Variants in ECPAS observed in about 807,000 individuals in gnomAD.
The protein encoded by ECPAS is Ecm29 proteasome adaptor and scaffold.
A neutral mutation model predicts 255.1 loss-of-function variants in ECPAS; 70 were observed. The observed-to-expected ratio is 0.27, with a 90% CI of 0.23 to 0.33. The LOEUF (loss-of-function observed/expected upper bound fraction) is 0.33, where lower values mean the gene tolerates loss of function less well. Among genes scored for constraint, ECPAS ranks in the 10% least tolerant of loss-of-function variants. ECPAS has a pLI of 1.00. For missense variants in ECPAS, 1,817 were observed against 2,206.4 expected (o/e 0.82, Z 3.54); for synonymous variants, 784 against 775.0 (o/e 1.01, Z -0.19).
At position 111,389,973 on chromosome 9, in the gene ECPAS, T is replaced by C. The variant is rs763106098; in HGVS notation, c.3279+11A>G. The C allele has an allele frequency of 1.1e-5, 17 of 1,525,202 alleles. No individual in the cohort carries two copies. In the East Asian group the frequency reaches 1.6e-4, roughly 14 times the overall value. The allele number at this position is 1,525,202 out of a possible 1,614,324, so 94.5% of individuals were successfully genotyped here. On this transcript the variant is annotated intron_variant, in intron 30 of 49. Transcript: ENST00000684092. The stretch of plus-strand genomic sequence containing the variant: ...AAAAAAATAAATAATTGTCCAGTGA[T>C]AGCAACTTACCTTCCTAGAGTTCCA...
At chr9:111,476,574 A>ATTTTTTT (rs58723893) in intron 1 of ECPAS, among the ~76,000 whole-genome samples, 15 of 105,924 alleles carry the variant, frequency 1.4e-4, no homozygotes, top group East Asian at 2.9e-4. Flanking sequence ...TAACATCAGA[A>ATTTTTTT]TTTTTTTTTT....
At chr9:111,376,942 G>A (rs947303101) in intron 36 of ECPAS, among the ~76,000 whole-genome samples, 27 of 152,228 alleles carry the variant, frequency 1.8e-4, no homozygotes, top group African/African-American at 4.8e-4. Context: ...ATTACCCTTC[G>A]TATCTATGAA....
chr9:111,362,841 T>C (rs1246968487), intron 49 of ECPAS, among the ~76,000 whole-genome samples: 2 of 152,182 alleles, frequency 1.3e-5, no homozygotes, highest in Non-Finnish European at 2.9e-5. Flanking sequence ...CTAGCTCTTT[T>C]ATCTCAACAA....
At chr9:111,383,525 T>C (rs1053413100) in intron 34 of ECPAS, among the ~76,000 whole-genome samples, 193 bp from the exon 35 acceptor site, 1 of 152,056 alleles carries the variant, frequency 6.6e-6, no homozygotes, top group East Asian at 1.9e-4. Flanking sequence ...AACAGAAAAT[T>C]TGGTAATGCA....
At position 111,384,510 on chromosome 9, in the gene ECPAS, C is replaced by T. The variant is rs765371634; in HGVS notation, c.3681+12G>A. ...GCTCCACTCCATTCCCAATGTAAGA[C>T]GGGGTTTTCACCTTGCTCAGAGTTT... On this transcript the variant is annotated intron_variant, in intron 34 of 49. Coordinates refer to ENST00000684092, the MANE Select transcript of ECPAS (RefSeq NM_001364929.1). The T allele has an allele frequency of 2.5e-5, 40 of 1,612,440 alleles. No homozygotes were observed. Among genetic ancestry groups the T allele is most frequent in the Non-Finnish European group, 3.3e-5 (39 of 1,178,536 alleles).
At chr9:111,469,884 C>A (rs927884120) in intron 2 of ECPAS, among the ~76,000 whole-genome samples, 6 of 151,992 alleles carry the variant, frequency 3.9e-5, no homozygotes, top group Non-Finnish European at 5.9e-5. Flanking sequence ...TAAAGAGTTA[C>A]CCCCATCCCC....
At chr9:111,377,970 C>T (rs1204584368) in intron 36 of ECPAS, among the ~76,000 whole-genome samples, 2 of 151,978 alleles carry the variant, frequency 1.3e-5, no homozygotes, top group South Asian at 2.1e-4. Flanking sequence ...CATGGTGAAA[C>T]CCTGTCTCTA....
In ECPAS at chr9:111,428,174, T is replaced by C. The variant is rs760521429; in HGVS notation, c.931-13A>G. 2.5e-6 allele frequency: 4 copies of C among 1,604,904 alleles called. No homozygotes were observed. Among genetic ancestry groups the C allele is most frequent in the Admixed American group, 1.7e-5 (1 of 58,132 alleles). ...TCAGAACTGCACCCTGTTGAAAATA[T>C]GCTTGATTATAACTCAGCAATTCAA... On this transcript the variant is annotated splice_polypyrimidine_tract_variant and intron_variant, in intron 9 of 49. Transcript: ENST00000684092.
At chr9:111,450,255 G>A (rs1240666304) in intron 3 of ECPAS, among the ~76,000 whole-genome samples, 1 of 152,148 alleles carries the variant, frequency 6.6e-6, no homozygotes, top group Non-Finnish European at 1.5e-5. Flanking sequence ...CTTAGACCTT[G>A]CTATCCTAAT....
At chr9:111,459,302 G>A (rs1286305430) in intron 2 of ECPAS, among the ~76,000 whole-genome samples, 2 of 151,490 alleles carry the variant, frequency 1.3e-5, no homozygotes, top group African/African-American at 4.9e-5. Context: ...TGTTGCCCAG[G>A]CTGCTTGTGA....
intron 18 of ECPAS, among the ~76,000 whole-genome samples, chr9:111,415,302 C>T (rs2098201633): frequency 6.6e-6 from 1 of 151,426 alleles, no homozygotes; most frequent in African/African-American, 2.4e-5. Flanking sequence ...AAGTAAATGG[C>T]CTATTACTCC....
intron 9 of ECPAS, among the ~76,000 whole-genome samples, chr9:111,428,885 C>A (rs977682265): frequency 6.6e-6 from 1 of 152,128 alleles, no homozygotes; most frequent in African/African-American, 2.4e-5. Flanking sequence ...TAACATCATT[C>A]TTCATGTGCA....
chr9:111,447,631 T>C (rs1331876933), intron 3 of ECPAS, among the ~76,000 whole-genome samples: 1 of 152,170 alleles, frequency 6.6e-6, no homozygotes, highest in East Asian at 1.9e-4. Context: ...CAATGCTTAA[T>C]ATATAACAGG....
intron 24 of ECPAS, among the ~76,000 whole-genome samples, chr9:111,401,442 C>T (rs2098175936): frequency 6.6e-6 from 1 of 152,078 alleles, no homozygotes; most frequent in Admixed American, 6.5e-5. Flanking sequence ...CTTCAAAGGG[C>T]AATAAAAGAT....
chr9:111,396,228 T>C (rs1000028108), intron 25 of ECPAS, among the ~76,000 whole-genome samples: 1 of 152,194 alleles, frequency 6.6e-6, no homozygotes, highest in Non-Finnish European at 1.5e-5. Flanking sequence ...CTAAAATATA[T>C]TTTCAATTCC....
intron 1 of ECPAS, among the ~76,000 whole-genome samples, chr9:111,478,086 TA>T: frequency 6.6e-6 from 1 of 151,420 alleles, no homozygotes; most frequent in South Asian, 2.1e-4. Flanking sequence ...TTTTTTGTAG[TA>T]ACAGGGTTTC....
At chr9:111,438,450 A>T (rs1350160342) in intron 6 of ECPAS, among the ~76,000 whole-genome samples, 1 of 152,116 alleles carries the variant, frequency 6.6e-6, no homozygotes, top group East Asian at 1.9e-4. Context: ...TACAAAAAAT[A>T]CAAAAAAATT....
In ECPAS at chr9:111,362,051, T is replaced by C. The variant is rs769721098; in HGVS notation, c.5499A>G (p.Lys1833=). The C allele has an allele frequency of 3.7e-6, 6 of 1,612,138 alleles. No homozygotes were observed. In the African/African-American group the frequency reaches 8.0e-5, roughly 22 times the overall value. The change falls in exon 50 of 50, where the codon AAA becomes AAG. Residue 1833 remains lysine, a synonymous_variant. Coordinates refer to ENST00000684092, the MANE Select transcript of ECPAS (RefSeq NM_001364929.1). ...TAATTTATTCCAGATTTTCAAGTGTTTTCTTCAGTAACGCTGCTTTCTCCT... is the reference window on the plus strand; with the variant it reads ...TAATTTATTCCAGATTTTCAAGTGTCTTCTTCAGTAACGCTGCTTTCTCCT... ...ELQEKAALLK[K]TLENLE is the part of the protein sequence containing the mutation.
At chr9:111,426,401 C>A (rs1044205944) in intron 10 of ECPAS, among the ~76,000 whole-genome samples, 1 of 151,100 alleles carries the variant, frequency 6.6e-6, no homozygotes, top group Non-Finnish European at 1.5e-5. Flanking sequence ...TACTCTTGTT[C>A]CTAAAACTGC....
Sources: gnomAD v4.1 joint callset for allele counts (sites outside exome capture counted in the v4.1 genomes callset) on GRCh38, gnomAD v4.1.1 for gene constraint, MANE v1.5 for transcripts, NCBI Gene and HGNC (gene_info 2026-07-23, HGNC 2026-07-21) for gene names.